Variants in PCDHA6 observed in about 807,000 individuals in gnomAD.
PCDHA6 encodes protocadherin alpha 6.
In PCDHA6, 55 loss-of-function variants were observed where a neutral mutation model predicts 60.3. The observed-to-expected ratio is 0.91, with a 90% confidence interval of 0.73 to 1.14. The LOEUF (loss-of-function observed/expected upper bound fraction) is 1.14. Ranked by LOEUF, PCDHA6 falls within the 50% of genes most tolerant of loss-of-function variation. PCDHA6 has a pLI of 0.00. For synonymous variants in PCDHA6, 652 were observed against 557.9 expected, an observed-to-expected ratio of 1.17 and a Z score of -2.38; for missense variants, 1,327 against 1,256.5, an observed-to-expected ratio of 1.06 and a Z score of -0.85.
intron 3 of PCDHA6, among the ~76,000 whole-genome samples, chr5:140,985,216 C>G (rs1009954667): frequency 1.3e-5 from 2 of 152,186 alleles, no homozygotes; most frequent in Non-Finnish European, 2.9e-5. Flanking sequence ...GGATTACAGG[C>G]GTGAGCCACC....
At chr5:140,849,557 G>T (rs2150440607) in intron 1 of PCDHA6, 4 of 1,598,482 alleles carry the variant, frequency 2.5e-6, no homozygotes, top group Non-Finnish European at 3.4e-6. Context: ...CTATCAAAAC[G>T]CTCTCGGTTC....
At chr5:140,900,776 G>A (rs1407126944) in intron 1 of PCDHA6, among the ~76,000 whole-genome samples, 1 of 152,172 alleles carries the variant, frequency 6.6e-6, no homozygotes, top group Non-Finnish European at 1.5e-5. Flanking sequence ...GCTTTTTGAG[G>A]AAACTCCAAA....
intron 1 of PCDHA6, chr5:140,884,609 G>T: frequency 6.2e-7 from 1 of 1,614,138 alleles, no homozygotes; most frequent in Non-Finnish European, 8.5e-7. Context: ...TCCTTGTCTG[G>T]GTTCTGCAGA....
intron 1 of PCDHA6, chr5:140,847,751 C>T (rs1781170062): frequency 1.3e-5 from 2 of 149,804 alleles, no homozygotes; most frequent in Non-Finnish European, 3.0e-5. Context: ...CCCCACGCAA[C>T]ACAAGACCTT....
At chr5:140,851,590 A>T in intron 1 of PCDHA6, 1 of 918,156 alleles carries the variant, frequency 1.1e-6, no homozygotes, top group Non-Finnish European at 1.3e-6. Flanking sequence ...ATTTTTTGAA[A>T]TTCAGTTTAC....
At chr5:140,923,480 C>G (rs1554201462) in intron 1 of PCDHA6, among the ~76,000 whole-genome samples, 1 of 152,064 alleles carries the variant, frequency 6.6e-6, no homozygotes, top group African/African-American at 2.4e-5. Context: ...AGTGAGCCAT[C>G]TTCACACCAC....
rs141258804 is a variant in PCDHA6, at chr5:140,857,118, C to T, written c.2394+26633C>T. ...GTGATTGTCACTTCTCTGTCTCTCC[C>T]AGTGAAAGAAGATGCTCAAGTGGGC... On this transcript the variant is annotated intron_variant, in intron 1 of 3. Transcript: ENST00000529310. 2.7e-5 allele frequency: 43 copies of T among 1,597,878 alleles called. 6 individuals are homozygous for T. Among genetic ancestry groups the T allele is most frequent in the Non-Finnish European group, 3.3e-5 (38 of 1,167,604 alleles).
intron 1 of PCDHA6, among the ~76,000 whole-genome samples, chr5:140,903,033 G>A (rs2069954043): frequency 6.6e-6 from 1 of 152,180 alleles, no homozygotes; most frequent in African/African-American, 2.4e-5. Context: ...GCTTGCACAT[G>A]TGTCTTTTTC....
intron 3 of PCDHA6, among the ~76,000 whole-genome samples, chr5:140,983,533 G>A (rs1195364351): frequency 6.6e-6 from 1 of 152,208 alleles, no homozygotes; most frequent in Non-Finnish European, 1.5e-5. Flanking sequence ...TACATTGTAT[G>A]TGTGGTCTCA....
chr5:140,832,477 ACT>A (rs1371663743), intron 1 of PCDHA6, among the ~76,000 whole-genome samples: 3 of 152,182 alleles, frequency 2.0e-5, no homozygotes, highest in African/African-American at 4.8e-5. Context: ...AAAAAAACTA[ACT>A]CTACATACTT....
intron 1 of PCDHA6, chr5:140,848,792 C>CAG (rs2150420729): frequency 1.3e-6 from 2 of 1,592,840 alleles, no homozygotes; most frequent in Non-Finnish European, 8.6e-7. Context: ...GCGGGCGGAG[C>CAG]GCGGAGTGCA....
At chr5:140,850,732 G>C (rs1320738084) in intron 1 of PCDHA6, 1 of 1,597,956 alleles carries the variant, frequency 6.3e-7, no homozygotes, top group Non-Finnish European at 8.6e-7. Flanking sequence ...AGCGCGGTGG[G>C]GAGTTGGTCG....
At chr5:140,942,737 A>C (rs180744405) in intron 1 of PCDHA6, among the ~76,000 whole-genome samples, 1 of 152,354 alleles carries the variant, frequency 6.6e-6, no homozygotes, top group East Asian at 1.9e-4. Context: ...AAAATATTTT[A>C]AAATCTTGTA....
At chr5:140,869,222 AAC>A (rs1554162674) in intron 1 of PCDHA6, 2 of 1,613,834 alleles carry the variant, frequency 1.2e-6, no homozygotes, top group South Asian at 2.2e-5. Context: ...GAGGAGGCCA[AAC>A]ACGGCACCTT....
intron 1 of PCDHA6, chr5:140,865,696 A>G (rs1233175579): frequency 2.0e-5 from 3 of 152,192 alleles, no homozygotes; most frequent in African/African-American, 7.2e-5. Flanking sequence ...GACTGTTCCA[A>G]TTTGAAAGAT....
chr5:140,971,050 C>G (rs2096454255), intron 1 of PCDHA6, among the ~76,000 whole-genome samples: 1 of 152,146 alleles, frequency 6.6e-6, no homozygotes, highest in South Asian at 2.1e-4. Context: ...AAGGGTTTAG[C>G]TTTAAATAAG....
At chr5:140,900,014 T>C (rs1002415971) in intron 1 of PCDHA6, among the ~76,000 whole-genome samples, 1 of 152,032 alleles carries the variant, frequency 6.6e-6, no homozygotes, top group African/African-American at 2.4e-5. Flanking sequence ...CTCACTTTGT[T>C]ACCCAGTTTG....
chr5:140,830,409 G>A lies in PCDHA6; in HGVS notation c.2318G>A (p.Ser773Asn), dbSNP rs1554132809. Reference protein sequence around the residue: ...GPPKMDLMAFSPSLSPCPIMM... With the variant: ...GPPKMDLMAFNPSLSPCPIMM... ...CCCAAGATGGATCTCATGGCCTTTA[G>A]CCCCAGCCTTTCACCTTGTCCTATT... is the stretch of plus-strand genomic sequence containing the variant. The change falls in exon 1 of 4, where the codon AGC becomes AAC. Residue 773 changes from serine (S) to asparagine (N), a missense_variant. Transcript: ENST00000529310. 3 of 1,614,040 alleles carry A rather than the reference G, an allele frequency of 1.9e-6. No homozygotes were observed. Among genetic ancestry groups the A allele is most frequent in the African/African-American group, 2.7e-5 (2 of 74,940 alleles).
At chr5:140,856,971 A>C (rs782790207) in intron 1 of PCDHA6, 1 of 1,594,450 alleles carries the variant, frequency 6.3e-7, no homozygotes, top group East Asian at 2.2e-5. Flanking sequence ...GATGCTATTG[A>C]CTTTGAGGAC....
Sources: allele counts gnomAD v4.1 joint callset (sites outside exome capture counted in the v4.1 genomes callset), GRCh38; gene constraint gnomAD v4.1.1; transcripts MANE v1.5; gene names NCBI Gene and HGNC (gene_info 2026-07-23, HGNC 2026-07-21).